The following ARID1B variants were observed in gnomAD, a reference collection of about 807,000 sequenced individuals.
ARID1B encodes the protein AT-rich interaction domain 1B, also known as AT-rich interactive domain-containing protein 1B.
A neutral mutation model predicts 212.3 loss-of-function variants in ARID1B; 30 were observed. The observed-to-expected ratio is 0.14, with a 90% CI of 0.11 to 0.19. ARID1B has a LOEUF of 0.19. Ranked by LOEUF, ARID1B falls within the 10% of genes least tolerant of loss-of-function variation. ARID1B has a pLI of 1.00. For missense variants in ARID1B, 2,891 were observed against 3,204.0 expected (o/e 0.90, Z 2.36); for synonymous variants, 1,402 against 1,301.7 (o/e 1.08, Z -1.66).
At chr6:156,987,444 G>T (rs1221884882) in intron 4 of ARID1B, among the ~76,000 whole-genome samples, 1 of 151,746 alleles carries the variant, frequency 6.6e-6, no homozygotes, top group Non-Finnish European at 1.5e-5. Flanking sequence ...CATTCTCCTG[G>T]CTCAGCCTCC....
At chr6:156,852,141 T>C (rs1784618331) in intron 2 of ARID1B, among the ~76,000 whole-genome samples, 1 of 152,116 alleles carries the variant, frequency 6.6e-6, no homozygotes, top group African/African-American at 2.4e-5. Flanking sequence ...TTTAAGTCTC[T>C]TTTGACTTAA....
chr6:157,133,522 C>G (rs922136287), intron 7 of ARID1B, among the ~76,000 whole-genome samples: 2 of 152,200 alleles, frequency 1.3e-5, no homozygotes, highest in African/African-American at 4.8e-5. Context: ...AAGACACAAG[C>G]CACGTTCTCA....
At chr6:157,090,067 C>T (rs1046701246) in intron 5 of ARID1B, among the ~76,000 whole-genome samples, 8 of 152,186 alleles carry the variant, frequency 5.3e-5, no homozygotes, top group Non-Finnish European at 8.8e-5. Context: ...GAAGATTCTG[C>T]GGATGTTAAT....
At chr6:156,948,006 T>C (rs887018708) in intron 4 of ARID1B, among the ~76,000 whole-genome samples, 5 of 152,166 alleles carry the variant, frequency 3.3e-5, no homozygotes, top group African/African-American at 1.2e-4. Flanking sequence ...CTGGAGCTTG[T>C]TCCAGTCATG....
Position 156,847,207 on chromosome 6 carries a change from T to C in ARID1B, c.1986+17786T>C, listed in dbSNP as rs191971951. On this transcript the variant is annotated intron_variant, in intron 2 of 19. Coordinates refer to ENST00000636930, the MANE Select transcript of ARID1B (RefSeq NM_001374828.1). ...TTTCTAATAGGTTTTAATACTGTGCTATCTGGTAATGTGCCAGAGTTTTCA... is the reference window on the plus strand; with the variant it reads ...TTTCTAATAGGTTTTAATACTGTGCCATCTGGTAATGTGCCAGAGTTTTCA... Among the ~76,000 whole-genome samples the C allele has an allele frequency of 3.5e-4, 54 of 152,344 alleles. 1 individual carries two copies. The highest frequency in any genetic ancestry group is 5.9e-4 in the Non-Finnish European group (40 of 68,034).
rs1313176572 is a variant in ARID1B at position 157,203,851 on chromosome 6, C to T, written c.5264-15C>T. On this transcript the variant is annotated splice_polypyrimidine_tract_variant and intron_variant, in intron 18 of 19. Transcript: ENST00000636930. This position sits in a 1 kb window ranked among gnomAD's most constrained non-coding sequence, Gnocchi z 4.4. ...AGTCAACATTCATGATATCCTTGTT[C>T]TTCCCCATCTTCAGTTACTCCTGAG... The T allele has an allele frequency of 1.9e-6, 3 of 1,613,858 alleles. No homozygotes were observed. Among genetic ancestry groups the T allele is most frequent in the East Asian group, 4.5e-5 (2 of 44,900 alleles).
At chr6:157,131,426 T>C (rs985508396) in intron 6 of ARID1B, among the ~76,000 whole-genome samples, 12 of 152,006 alleles carry the variant, frequency 7.9e-5, no homozygotes, top group African/African-American at 2.9e-4. Context: ...GAGGGAGGGC[T>C]GAGGGATGAG....
At chr6:156,872,047 A>G (rs774513473) in intron 2 of ARID1B, among the ~76,000 whole-genome samples, 38 of 152,368 alleles carry the variant, frequency 2.5e-4, no homozygotes, top group South Asian at 1.5e-3. Flanking sequence ...GTACGCTGAC[A>G]TATTGTTGGG....
At chr6:157,012,804 A>G (rs1356367176) in intron 4 of ARID1B, among the ~76,000 whole-genome samples, 2 of 152,226 alleles carry the variant, frequency 1.3e-5, no homozygotes, top group Non-Finnish European at 2.9e-5. Context: ...GAAAGCAACA[A>G]ATGTGCGCAA....
In ARID1B at chr6:156,949,226, T is replaced by G. The variant is rs148888808; in HGVS notation, c.2247+13650T>G. Among the ~76,000 whole-genome samples, 15 of 152,350 alleles carry G rather than the reference T, an allele frequency of 9.8e-5. 1 individual carries two copies. In the East Asian group the frequency reaches 2.7e-3, roughly 27 times the overall value. On this transcript the variant is annotated intron_variant, in intron 4 of 19. Transcript: ENST00000636930. ...GACTTAATTGGCATTTTCTATGTTTTATAGGGATAAAAACATCTTTCATAT... is the reference window on the plus strand; with the variant it reads ...GACTTAATTGGCATTTTCTATGTTTGATAGGGATAAAAACATCTTTCATAT...
intron 4 of ARID1B, among the ~76,000 whole-genome samples, chr6:157,083,937 C>T (rs1012427616): frequency 5.9e-5 from 9 of 152,032 alleles, no homozygotes; most frequent in Non-Finnish European, 1.0e-4. Context: ...AGTTCGAGAC[C>T]AGCCTGGCCA....
chr6:157,090,429 T>C (rs1785205940), intron 5 of ARID1B, among the ~76,000 whole-genome samples: 1 of 152,264 alleles, frequency 6.6e-6, no homozygotes, highest in Non-Finnish European at 1.5e-5. Flanking sequence ...CTAAGTCCAG[T>C]GTAAGTAGAG....
At chr6:157,077,812 C>T (rs1389471693) in intron 4 of ARID1B, among the ~76,000 whole-genome samples, 1 of 152,204 alleles carries the variant, frequency 6.6e-6, no homozygotes, top group Non-Finnish European at 1.5e-5. Context: ...CACACGTCAA[C>T]ACTGCCTTCT....
intron 4 of ARID1B, among the ~76,000 whole-genome samples, chr6:157,004,904 T>TTTTTTTTTTTTTTTTTTTTTTTTTTTTG (rs1562542318): frequency 1.6e-4 from 5 of 32,080 alleles, no homozygotes; most frequent in Non-Finnish European, 3.1e-4. Context: ...TTTCTTTTTT[T>TTTTTTTTTTTTTTTTTTTTTTTTTTTTG]TTTTTTTTTT....
chr6:156,995,640 G>C (rs774813172), intron 4 of ARID1B, among the ~76,000 whole-genome samples: 5 of 152,210 alleles, frequency 3.3e-5, no homozygotes, highest in Non-Finnish European at 7.3e-5. Context: ...ATGGACAAGT[G>C]CAAGTGAGAA....
intron 1 of ARID1B, among the ~76,000 whole-genome samples, chr6:156,827,824 A>G (rs1030851576): frequency 1.5e-5 from 2 of 136,288 alleles, no homozygotes; most frequent in African/African-American, 5.6e-5. Context: ...GGAGTGGCAC[A>G]ATCTTGGCTC....
chr6:156,944,342 G>C (rs545346281), intron 4 of ARID1B, among the ~76,000 whole-genome samples: 2 of 152,144 alleles, frequency 1.3e-5, no homozygotes, highest in African/African-American at 2.4e-5. Flanking sequence ...GCCTTACTGA[G>C]TATATAATCT....
At chr6:156,950,087 C>T (rs920833100) in intron 4 of ARID1B, among the ~76,000 whole-genome samples, 1 of 152,208 alleles carries the variant, frequency 6.6e-6, no homozygotes, top group Non-Finnish European at 1.5e-5. Flanking sequence ...TGCACCCCAG[C>T]TTTATCCTCA....
chr6:156,850,319 G>A lies in ARID1B; in HGVS notation c.1986+20898G>A, dbSNP rs893982462. 2.6e-5 allele frequency among the ~76,000 whole-genome samples: 4 copies of A among 152,066 alleles called. No individual in the cohort carries two copies. In the East Asian group the frequency reaches 5.8e-4, roughly 22 times the overall value. On this transcript the variant is annotated intron_variant, in intron 2 of 19. Transcript: ENST00000636930. ...CTGTATTTTTATTATTGCATTTTGG[G>A]TGATTTTGGACGCCAGTATTCTTAT...
Sources: gnomAD v4.1 joint callset for allele counts (sites outside exome capture counted in the v4.1 genomes callset) on GRCh38, gnomAD v4.1.1 for gene constraint, Gnocchi (gnomAD v3.1) non-coding constraint, MANE v1.5 for transcripts, NCBI Gene and HGNC (gene_info 2026-07-23, HGNC 2026-07-21) for gene names.